Variants in LINGO2 observed in about 807,000 individuals in gnomAD.
LINGO2 encodes leucine rich repeat and Ig domain containing 2, also known as leucine-rich repeat and immunoglobulin-like domain-containing nogo receptor-interacting protein 2.
In LINGO2, 14 loss-of-function variants were observed where a neutral mutation model predicts 30.6. The observed-to-expected ratio is 0.46, with a 90% confidence interval of 0.30 to 0.72. The LOEUF is 0.72. Ranked by LOEUF, LINGO2 falls within the 30% of genes least tolerant of loss-of-function variation. The pLI, the probability that LINGO2 is intolerant of heterozygous loss-of-function variation, is 0.07. For synonymous variants in LINGO2, 317 were observed against 288.5 expected (o/e 1.10, Z -1.00); for missense variants, 729 against 751.7 (o/e 0.97, Z 0.35).
the LINGO2 span, among the ~76,000 whole-genome samples, chr9:28,919,795 T>A: frequency 6.6e-6 from 1 of 152,160 alleles, no homozygotes; most frequent in Middle Eastern, 3.4e-3. Flanking sequence ...AGGGAAAAAA[T>A]CCATAGCTAT....
chr9:28,052,187 CA>C (rs1824708239), intron 4 of LINGO2, among the ~76,000 whole-genome samples: 1 of 151,998 alleles, frequency 6.6e-6, no homozygotes, highest in Non-Finnish European at 1.5e-5. Context: ...TATGGATTCT[CA>C]AAAGAAAACC....
chr9:28,308,985 G>T (rs1472838080), intron 3 of LINGO2, among the ~76,000 whole-genome samples: 3 of 152,078 alleles, frequency 2.0e-5, no homozygotes, highest in Admixed American at 6.6e-5. Flanking sequence ...CTGTTGGTGG[G>T]ACTGTAAACT....
intron 3 of LINGO2, among the ~76,000 whole-genome samples, chr9:28,309,711 A>T (rs1419308143): frequency 6.6e-6 from 1 of 152,084 alleles, no homozygotes; most frequent in Non-Finnish European, 1.5e-5. Context: ...GTGAAAACCA[A>T]TTTTAAGAAA....
At chr9:28,432,574 T>C (rs1411720367) in intron 2 of LINGO2, among the ~76,000 whole-genome samples, 3 of 152,060 alleles carry the variant, frequency 2.0e-5, no homozygotes, top group African/African-American at 4.8e-5. Context: ...GCAATTTACA[T>C]GTATTAAAAA....
At chr9:28,668,065 T>A (rs1461017738) in intron 1 of LINGO2, among the ~76,000 whole-genome samples, 2 of 151,604 alleles carry the variant, frequency 1.3e-5, no homozygotes, top group Non-Finnish European at 2.9e-5. Flanking sequence ...ATATCATGGA[T>A]TTTTTTTTAA....
chr9:28,247,924 T>A (rs1002350156), intron 4 of LINGO2, among the ~76,000 whole-genome samples: 46 of 152,104 alleles, frequency 3.0e-4, no homozygotes, highest in African/African-American at 9.9e-4. Context: ...CTCACCCCAG[T>A]TAAAATGGCT....
chr9:28,183,910 C>A (rs1819447715), intron 4 of LINGO2, among the ~76,000 whole-genome samples: 1 of 152,198 alleles, frequency 6.6e-6, no homozygotes, highest in Non-Finnish European at 1.5e-5. Context: ...TCATATGTTG[C>A]AGCCTCCTTC....
chr9:28,338,093 T>A (rs549275083), intron 3 of LINGO2, among the ~76,000 whole-genome samples: 4 of 152,132 alleles, frequency 2.6e-5, no homozygotes, highest in African/African-American at 9.6e-5. Context: ...GAAGGGGAGA[T>A]GTACCTGGCA....
At chr9:28,613,746 G>A (rs1422436133) in intron 1 of LINGO2, among the ~76,000 whole-genome samples, 1 of 152,112 alleles carries the variant, frequency 6.6e-6, no homozygotes, top group Non-Finnish European at 1.5e-5. Context: ...GATTCTGTTT[G>A]TCAGTCAGAA....
intron 4 of LINGO2, among the ~76,000 whole-genome samples, chr9:28,267,036 TG>T (rs1011001042): frequency 1.3e-5 from 2 of 152,044 alleles, no homozygotes; most frequent in African/African-American, 4.8e-5. Flanking sequence ...AACTAAAGAA[TG>T]AATTCTTCTT....
chr9:28,414,724 T>G (rs1822902361), intron 2 of LINGO2, among the ~76,000 whole-genome samples: 1 of 152,104 alleles, frequency 6.6e-6, no homozygotes, highest in Non-Finnish European at 1.5e-5. Flanking sequence ...CCAAGCTGAT[T>G]GCCCTACAGC....
intron 4 of LINGO2, among the ~76,000 whole-genome samples, chr9:28,087,906 G>T (rs13297541): frequency 0.016 from 2,442 of 152,082 alleles, 33 homozygotes; most frequent in Non-Finnish European, 0.025. Flanking sequence ...ACCAGTAAAA[G>T]AAACTCTTTG....
chr9:28,885,022 ATG>A, the LINGO2 span, among the ~76,000 whole-genome samples: 1 of 104,986 alleles, frequency 9.5e-6, no homozygotes, highest in African/African-American at 3.8e-5. Flanking sequence ...ATATATATAT[ATG>A]GCTAAAGAAA....
chr9:28,328,058 C>T (rs372111538), intron 3 of LINGO2, among the ~76,000 whole-genome samples: 25 of 152,112 alleles, frequency 1.6e-4, no homozygotes, highest in African/African-American at 3.6e-4. Flanking sequence ...TTAGCAGGAG[C>T]GAGAACAAAT....
At chr9:28,584,217 G>A (rs754498130) in intron 1 of LINGO2, among the ~76,000 whole-genome samples, 1 of 151,928 alleles carries the variant, frequency 6.6e-6, no homozygotes, top group African/African-American at 2.4e-5. Flanking sequence ...TCTTACTTTA[G>A]TATTTATACT....
chr9:28,859,502 A>C, the LINGO2 span, among the ~76,000 whole-genome samples: 1 of 152,092 alleles, frequency 6.6e-6, no homozygotes, highest in Non-Finnish European at 1.5e-5. Flanking sequence ...TATTTCCCTT[A>C]TTCTAAGTAT....
chr9:28,758,448 T>C, the LINGO2 span, among the ~76,000 whole-genome samples: 4 of 152,062 alleles, frequency 2.6e-5, no homozygotes, highest in South Asian at 2.1e-4. Context: ...TGAAAAAAAG[T>C]TCCTCTTACT....
intron 2 of LINGO2, among the ~76,000 whole-genome samples, chr9:28,425,466 C>A (rs1256033522): frequency 6.6e-6 from 1 of 151,818 alleles, no homozygotes; most frequent in Non-Finnish European, 1.5e-5. Flanking sequence ...ATCACCTGCT[C>A]TGATAGTACT....
At chr9:28,155,727 G>A (rs1227845430) in intron 4 of LINGO2, among the ~76,000 whole-genome samples, 1 of 152,086 alleles carries the variant, frequency 6.6e-6, no homozygotes, top group East Asian at 1.9e-4. Context: ...TCTAACTCTG[G>A]AGGTGACGGT....
Sources: gnomAD v4.1 joint callset for allele counts (sites outside exome capture counted in the v4.1 genomes callset) on GRCh38, gnomAD v4.1.1 for gene constraint, MANE v1.5 for transcripts, NCBI Gene and HGNC (gene_info 2026-07-23, HGNC 2026-07-21) for gene names.